The following SIGLEC1 variants were observed in gnomAD, a reference collection of about 807,000 sequenced individuals.
SIGLEC1 encodes sialic acid binding Ig like lectin 1, also known as sialoadhesin.
Under a neutral mutation model 148.0 loss-of-function variants are expected in SIGLEC1, and 132 were observed. That is an observed-to-expected ratio of 0.89 (90% CI 0.77 to 1.03). SIGLEC1 has a LOEUF of 1.03. SIGLEC1 is among the 50% of genes least tolerant of loss of function. The pLI is 0.00. For synonymous variants in SIGLEC1, 945 were observed against 969.0 expected (o/e 0.98, Z 0.46); for missense variants, 2,253 against 2,271.4 (o/e 0.99, Z 0.16).
rs759456212 is a variant in SIGLEC1 at position 3,694,700 on chromosome 20, G to A, written c.2907C>T (p.Thr969=). 8.1e-6 allele frequency: 13 copies of A among 1,613,752 alleles called. No individual in the cohort carries two copies. Among genetic ancestry groups the A allele is most frequent in the Admixed American group, 1.7e-5 (1 of 60,006 alleles). ...GGCTGATGGGTGCAGCTAGGCTCGT[G>A]GTGGCTGAGCCTGGGGCCTGGGCTT... ...HCQAQAPGSA[T]TSLAAPISLH... Residue 969 remains threonine (T), a synonymous_variant, in exon 12 of 22, where the codon ACC becomes ACT. Coordinates refer to ENST00000344754, the MANE Select transcript of SIGLEC1 (RefSeq NM_023068.4).
chr20:3,708,775 C>T (rs752466300), intron 1 of SIGLEC1, among the ~76,000 whole-genome samples: 3 of 151,870 alleles, frequency 2.0e-5, no homozygotes, highest in Non-Finnish European at 2.9e-5. Flanking sequence ...CAGCTGGGTG[C>T]GGTGGCTCAC....
In SIGLEC1 at chr20:3,696,645, C is replaced by A; in HGVS notation, c.2624G>T (p.Arg875Leu). The change falls in exon 11 of 22, where the codon CGC becomes CTC. Residue 875 changes from arginine (R) to leucine (L), a missense_variant. Physicochemically the swap from Arg to Leu is moderately radical, Grantham distance 102. Transcript: ENST00000344754. Reference protein sequence around the residue: ...ELGLGDSGSYRCEATNVLGSS... With the variant: ...ELGLGDSGSYLCEATNVLGSS... ...TCCAAGAACATTTGTGGCCTCACAG[C>A]GGTAGCTGCCAGAGTCCCCAAGGCC... The A allele has an allele frequency of 6.2e-7, 1 of 1,613,772 alleles. No homozygotes were observed. Among genetic ancestry groups the A allele is most frequent in the Non-Finnish European group, 8.5e-7 (1 of 1,179,978 alleles).
chr20:3,700,969 G>T (rs2087846467), intron 7 of SIGLEC1, among the ~76,000 whole-genome samples: 1 of 152,078 alleles, frequency 6.6e-6, no homozygotes, highest in African/African-American at 2.4e-5. Flanking sequence ...AAAGTGCTGG[G>T]ATTACAGGAG....
Position 3,697,902 on chromosome 20 carries a change from C to T in SIGLEC1, c.2018G>A (p.Arg673His), listed in dbSNP as rs754799562. ...MKVTKAPNLL[R>H]VEIHNPLLEE... ...CAGCAAAGGGTTGTGAATCTCCACA[C>T]GCAGCAAGTTGGGGGCTTTGGTGAC... The change falls in exon 9 of 22, where the codon CGT becomes CAT. Residue 673 changes from arginine (R) to histidine (H), a missense_variant. Coordinates refer to ENST00000344754, the MANE Select transcript of SIGLEC1 (RefSeq NM_023068.4). 15 of 1,613,024 alleles carry T rather than the reference C, an allele frequency of 9.3e-6. No homozygotes were observed. Among genetic ancestry groups the T allele is most frequent in the South Asian group, 7.7e-5 (7 of 91,088 alleles).
chr20:3,694,966 C>T (rs377485030), intron 11 of SIGLEC1, 43 bp from the exon 12 acceptor site: 11 of 1,581,852 alleles, frequency 7.0e-6, no homozygotes, highest in African/African-American at 2.7e-5. Context: ...CTCCACCACA[C>T]CTCTCACAGT....
Position 3,700,108 on chromosome 20 carries a change from T to G in SIGLEC1, c.1529-649A>C, listed in dbSNP as rs1304565410. 2.0e-4 allele frequency among the ~76,000 whole-genome samples: 3 copies of G among 15,002 alleles called. 1 individual carries two copies. The highest frequency in any genetic ancestry group is 4.6e-3 in the South Asian group (2 of 436). The allele number at this position is 15,002 out of a possible 152,430, so 9.8% of individuals were successfully genotyped here. On this transcript the variant is annotated intron_variant, in intron 7 of 21. Transcript: ENST00000344754. ...CAGGTGTGAGCCACTGTGGCCAGCTTTTTTTTTTTTTTTTTTTTTTTTTTT... is the reference window on the plus strand; with the variant it reads ...CAGGTGTGAGCCACTGTGGCCAGCTGTTTTTTTTTTTTTTTTTTTTTTTTT...
intron 19 of SIGLEC1, 109 bp downstream of exon 19, chr20:3,689,853 G>A (rs528025934): frequency 1.5e-5 from 18 of 1,191,626 alleles, no homozygotes; most frequent in Admixed American, 8.3e-5. Flanking sequence ...GTTTAGAGTC[G>A]ACAGGCAAAT....
chr20:3,691,426 G>A lies in SIGLEC1; in HGVS notation c.4505C>T (p.Ala1502Val). 2.5e-6 allele frequency: 4 copies of A among 1,613,330 alleles called. No individual in the cohort carries two copies. The highest frequency in any genetic ancestry group is 1.1e-5 in the South Asian group (1 of 91,088). ...PVPTLAFTHV[A>V]RAQAGMYHCL... ...GTGGTACATCCCAGCTTGAGCACGAGCCACGTGGGTGAAGGCGAGAGTGGG... is the reference window on the plus strand; with the variant it reads ...GTGGTACATCCCAGCTTGAGCACGAACCACGTGGGTGAAGGCGAGAGTGGG... The change falls in exon 18 of 22, where the codon GCT (alanine) becomes GTT (valine). Residue 1502 changes from alanine to valine, a missense_variant. Physicochemically the swap from Ala to Val is moderately conservative, Grantham distance 64. Coordinates refer to ENST00000344754, the MANE Select transcript of SIGLEC1 (RefSeq NM_023068.4).
Position 3,707,194 on chromosome 20 carries a change from G to C in SIGLEC1, c.-66C>G, listed in dbSNP as rs1432333998. 5.5e-6 allele frequency: 8 copies of C among 1,454,722 alleles called. No individual in the cohort carries two copies. The highest frequency in any genetic ancestry group is 7.7e-6 in the Non-Finnish European group (8 of 1,039,796). The allele number at this position is 1,454,722 out of a possible 1,614,324, so 90.1% of individuals were successfully genotyped here. ...GCGCACTGCGCTGGCTGGGCTCACA[G>C]GGGCCTCCAGGGACACCTCTGGGCA... On this transcript the variant is annotated 5_prime_UTR_variant, in exon 2 of 22. Transcript: ENST00000344754.
chr20:3,706,122 G>A (rs930248283), intron 3 of SIGLEC1, 82 bp from the exon 4 acceptor site: 3 of 1,443,050 alleles, frequency 2.1e-6, no homozygotes, highest in Non-Finnish European at 2.8e-6. Flanking sequence ...GCTGAGGAGA[G>A]AGCCCTGGGG....
In SIGLEC1 at chr20:3,701,345, T is replaced by G; in HGVS notation, c.1525A>C (p.Asn509His). ...NATSTLDFHA[N>H]AARLLISPAA... ...TGGCTGCCAGTGCCCATCTTACCATTGGCATGGAAGTCCAGGGTGGAGGTT... is the reference window on the plus strand; with the variant it reads ...TGGCTGCCAGTGCCCATCTTACCATGGGCATGGAAGTCCAGGGTGGAGGTT... Residue 509 changes from asparagine to histidine, a missense_variant, in exon 7 of 22, where the codon AAT becomes CAT. Asn to His is a moderately conservative substitution (Grantham distance 68). Coordinates refer to ENST00000344754, the MANE Select transcript of SIGLEC1 (RefSeq NM_023068.4). 6.2e-7 allele frequency: 1 copy of G among 1,605,882 alleles called. No homozygotes were observed. The highest frequency in any genetic ancestry group is 8.5e-7 in the Non-Finnish European group (1 of 1,174,908).
At chr20:3,708,920 C>T (rs1367847534) in intron 1 of SIGLEC1, among the ~76,000 whole-genome samples, 3 of 151,804 alleles carry the variant, frequency 2.0e-5, no homozygotes, top group East Asian at 3.9e-4. Context: ...TGGTGTGCAC[C>T]TCTAGTCCTA....
At chr20:3,697,728 C>A (rs2087814805) in intron 9 of SIGLEC1, 70 bp downstream of exon 9, 8 of 1,455,006 alleles carry the variant, frequency 5.5e-6, no homozygotes, top group Non-Finnish European at 7.6e-6. Context: ...CTGATTAGAT[C>A]CTCCTCGGAG....
chr20:3,692,323 C>T, intron 16 of SIGLEC1, 121 bp from the exon 17 acceptor site: 2 of 1,209,058 alleles, frequency 1.7e-6, no homozygotes, highest in South Asian at 3.2e-5. Context: ...CTAGAAGTGA[C>T]ACCTTCCCAG....
intron 21 of SIGLEC1, 102 bp downstream of exon 21, chr20:3,689,053 T>A: frequency 9.7e-7 from 1 of 1,027,032 alleles, no homozygotes; most frequent in Non-Finnish European, 1.5e-6. Context: ...AACCTCCCCT[T>A]GGTCCCAGGC....
intron 1 of SIGLEC1, among the ~76,000 whole-genome samples, chr20:3,708,237 C>A (rs2087909691): frequency 6.6e-6 from 1 of 152,064 alleles, no homozygotes; most frequent in Non-Finnish European, 1.5e-5. Flanking sequence ...GCGGAGTGTA[C>A]CATATCCAAA....
Position 3,692,207 on chromosome 20 carries a change from G to A in SIGLEC1, c.4031-5C>T. 6.5e-7 allele frequency: 1 copy of A among 1,534,012 alleles called. No homozygotes were observed. Among genetic ancestry groups the A allele is most frequent in the East Asian group, 2.3e-5 (1 of 43,918 alleles). ...GGACAGCGTCCTGAGGGGCATCTGT[G>A]GGCAGGCAGGGCACAGATGGGGACC... On this transcript the variant is annotated splice_region_variant and splice_polypyrimidine_tract_variant and intron_variant, in intron 16 of 21. Coordinates refer to ENST00000344754, the MANE Select transcript of SIGLEC1 (RefSeq NM_023068.4).
chr20:3,689,177 G>C lies in SIGLEC1; in HGVS notation c.5048C>G (p.Ala1683Gly), dbSNP rs749463734. Residue 1683 changes from alanine (A) to glycine (G), a missense_variant, in exon 21 of 22, where the codon GCT (alanine) becomes GGT (glycine). By Grantham distance (60) the Ala-to-Gly change is moderately conservative. Coordinates refer to ENST00000344754, the MANE Select transcript of SIGLEC1 (RefSeq NM_023068.4). ...TACCTGCGTGGTCTCTTTCTGAAAAGCCATCTCCACCGAATTCTCGCCCAT... is the reference window on the plus strand; with the variant it reads ...TACCTGCGTGGTCTCTTTCTGAAAACCCATCTCCACCGAATTCTCGCCCAT... ...QSMGENSVEMAFQKETTQLID... is the reference protein window; with the variant it reads ...QSMGENSVEMGFQKETTQLID... 1.2e-6 allele frequency: 2 copies of C among 1,614,134 alleles called. No homozygotes were observed. The highest frequency in any genetic ancestry group is 1.7e-6 in the Non-Finnish European group (2 of 1,179,972).
At position 3,706,489 on chromosome 20, in the gene SIGLEC1, G is replaced by A; in HGVS notation, c.267C>T (p.Phe89=). 1 of 1,613,846 alleles carries A rather than the reference G, an allele frequency of 6.2e-7. No homozygotes were observed. The highest frequency in any genetic ancestry group is 8.5e-7 in the Non-Finnish European group (1 of 1,180,032). Residue 89 remains phenylalanine (F), a synonymous_variant, in exon 3 of 22, where the codon TTC becomes TTT. Transcript: ENST00000344754. ...ACACCCTGTGCTCGGGGTTCCCCAT[G>A]AACTCGGTGCGGCCGCGGAAGCGGG... The part of the protein sequence containing the change: ...VEARFRGRTE[F]MGNPEHRVCN...
Sources: gnomAD v4.1 joint callset for allele counts (sites outside exome capture counted in the v4.1 genomes callset) on GRCh38, gnomAD v4.1.1 for gene constraint, MANE v1.5 for transcripts, NCBI Gene and HGNC (gene_info 2026-07-23, HGNC 2026-07-21) for gene names.